The following AMMECR1 variants were observed in gnomAD, a reference collection of about 807,000 sequenced individuals.
AMMECR1 encodes AMMECR nuclear protein 1, also known as nuclear protein AMMECR1.
A neutral mutation model predicts 22.5 loss-of-function variants in AMMECR1; 3 were observed. The ratio of observed to expected loss-of-function variants is 0.13; its 90% CI spans 0.06 to 0.35. The LOEUF is 0.35. Among genes scored for constraint, AMMECR1 ranks in the 10% least tolerant of loss-of-function variants. The pLI, the probability that AMMECR1 is intolerant of heterozygous loss-of-function variation, is 1.00. For missense variants in AMMECR1, 235 were observed against 278.7 expected (o/e 0.84, Z 1.12); for synonymous variants, 130 against 116.7 (o/e 1.11, Z -0.74).
intron 1 of AMMECR1, among the ~76,000 whole-genome samples, chrX:110,285,072 C>T (rs1173087258): frequency 1.8e-5 from 2 of 111,967 alleles, no homozygotes; most frequent in African/African-American, 6.5e-5. Context: ...TAAAATTAGT[C>T]ATCTGTCCCA....
intron 2 of AMMECR1, among the ~76,000 whole-genome samples, chrX:110,360,150 A>G (rs1419577247): frequency 1.8e-5 from 2 of 111,221 alleles, no homozygotes; most frequent in Non-Finnish European, 3.8e-5. Flanking sequence ...GACACTTGTA[A>G]TATGTTTGGG....
At chrX:110,421,438 G>T (rs1302410012) in intron 2 of AMMECR1, among the ~76,000 whole-genome samples, 1 of 112,673 alleles carries the variant, frequency 8.9e-6, no homozygotes, top group Non-Finnish European at 1.9e-5. Flanking sequence ...ATGTAGATAA[G>T]TCACGGGTCA....
chrX:110,216,673 T>C, intron 2 of AMMECR1, 41 bp from the exon 3 acceptor site: 1 of 876,488 alleles, frequency 1.1e-6, no homozygotes. Flanking sequence ...TCACTGGATA[T>C]GAAAGTTCCC....
chrX:110,378,952 G>A (rs955765232), intron 2 of AMMECR1, among the ~76,000 whole-genome samples: 5 of 109,729 alleles, frequency 4.6e-5, no homozygotes, highest in Admixed American at 2.9e-4. Context: ...CCACTGCTGC[G>A]TCTGCCAGTC....
chrX:110,202,623 G>C, intron 3 of AMMECR1, 87 bp from the exon 4 acceptor site: 1 of 598,321 alleles, frequency 1.7e-6, no homozygotes, highest in Non-Finnish European at 2.7e-6. Flanking sequence ...AGAGAATGCA[G>C]TTCTTCCTTT....
intron 1 of AMMECR1, among the ~76,000 whole-genome samples, chrX:110,431,227 A>G (rs911388464): frequency 3.9e-4 from 44 of 111,429 alleles, no homozygotes; most frequent in African/African-American, 1.4e-3. Flanking sequence ...GTTTTCACCA[A>G]TCTTGGTTCA....
intron 1 of AMMECR1, among the ~76,000 whole-genome samples, chrX:110,289,936 C>T (rs2067899309): frequency 9.0e-6 from 1 of 111,675 alleles, no homozygotes; most frequent in African/African-American, 3.3e-5. Flanking sequence ...GAGTTGCACA[C>T]AATCTGATTT....
chrX:110,317,908 C>A lies in AMMECR1; in HGVS notation c.164G>T (p.Gly55Val). ...GLGGAGTRLN[G>V]LGGLTGGGSG... The stretch of plus-strand genomic sequence containing the variant: ...ACCTCCTCCGGTTAGACCTCCCAGC[C>A]CGTTGAGCCGCGTACCGGCGCCTCC... Residue 55 changes from glycine (G) to valine (V), a missense_variant, in exon 1 of 6, where the codon GGG (glycine) becomes GTG (valine). Physicochemically the swap from Gly to Val is moderately radical, Grantham distance 109. Transcript: ENST00000262844. 1.4e-5 allele frequency: 17 copies of A among 1,196,454 alleles called. No individual in the cohort carries two copies. The highest frequency in any genetic ancestry group is 1.9e-5 in the Non-Finnish European group (17 of 888,015).
chrX:110,224,103 C>T (rs781395233), intron 2 of AMMECR1, among the ~76,000 whole-genome samples: 58 of 111,578 alleles, frequency 5.2e-4, no homozygotes, highest in African/African-American at 1.7e-3. Context: ...ATTGATCATC[C>T]GTCTGTCCAC....
chrX:110,354,627 G>T (rs1011057408), intron 2 of AMMECR1, among the ~76,000 whole-genome samples: 5 of 111,842 alleles, frequency 4.5e-5, no homozygotes, highest in African/African-American at 1.6e-4. Flanking sequence ...AATCAAAACA[G>T]CATGATACTT....
At chrX:110,391,855 T>C (rs1161829547) in intron 2 of AMMECR1, among the ~76,000 whole-genome samples, 1 of 112,269 alleles carries the variant, frequency 8.9e-6, no homozygotes, top group Non-Finnish European at 1.9e-5. Flanking sequence ...CCAGATGTTT[T>C]GGCATCACAG....
chrX:110,254,004 G>GTT (rs765756745), intron 2 of AMMECR1, among the ~76,000 whole-genome samples: 21 of 111,408 alleles, frequency 1.9e-4, no homozygotes, highest in African/African-American at 5.9e-4. Flanking sequence ...TTAATAAGGT[G>GTT]TATGATTAAT....
At chrX:110,332,665 A>T (rs1401210648) in intron 2 of AMMECR1, among the ~76,000 whole-genome samples, 1 of 111,825 alleles carries the variant, frequency 8.9e-6, no homozygotes, top group African/African-American at 3.3e-5. Context: ...TTTGCTTGCA[A>T]GGTCAAAATC....
chrX:110,412,245 GTTAT>G (rs2068646064), intron 2 of AMMECR1, among the ~76,000 whole-genome samples: 1 of 112,546 alleles, frequency 8.9e-6, no homozygotes, highest in South Asian at 3.7e-4. Flanking sequence ...AACTGGAAAT[GTTAT>G]TTGAGTCAGC....
At chrX:110,329,293 C>T (rs761638224) in intron 2 of AMMECR1, among the ~76,000 whole-genome samples, 31 of 112,046 alleles carry the variant, frequency 2.8e-4, no homozygotes, top group Admixed American at 2.6e-3. Flanking sequence ...ATATCCTTCG[C>T]CCACTTTTTG....
Position 110,419,633 on chromosome X carries a change from G to A in AMMECR1, c.-148+7025C>T, listed in dbSNP as rs372341433. 3.7e-4 allele frequency among the ~76,000 whole-genome samples: 42 copies of A among 112,160 alleles called. 1 individual carries two copies. In the East Asian group the frequency reaches 0.011, roughly 30 times the overall value. ...CTTGGCACATAGTAGGCTGACATAA[G>A]CAAAACCATCTGGAAAATATTTTCT... is the stretch of plus-strand genomic sequence containing the variant. On this transcript the variant is annotated intron_variant, in intron 2 of 7. Transcript: ENST00000372057.
At chrX:110,328,915 C>G (rs1275490766) in intron 2 of AMMECR1, among the ~76,000 whole-genome samples, 1 of 112,323 alleles carries the variant, frequency 8.9e-6, no homozygotes, top group African/African-American at 3.2e-5. Context: ...GTGAATAGTG[C>G]TGCAATAAAC....
chrX:110,345,911 G>C (rs906244779), intron 2 of AMMECR1, among the ~76,000 whole-genome samples: 5 of 111,192 alleles, frequency 4.5e-5, no homozygotes, highest in African/African-American at 1.6e-4. Context: ...TAAATACAAG[G>C]TTCTCTGATA....
intron 1 of AMMECR1, among the ~76,000 whole-genome samples, chrX:110,300,461 C>T (rs2067960231): frequency 8.9e-6 from 1 of 112,113 alleles, no homozygotes; most frequent in Admixed American, 9.4e-5. Flanking sequence ...TTACAGTTAT[C>T]TCTTATCTGT....
Sources: gnomAD v4.1 joint callset for allele counts (sites outside exome capture counted in the v4.1 genomes callset) on GRCh38, gnomAD v4.1.1 for gene constraint, MANE v1.5 for transcripts, NCBI Gene and HGNC (gene_info 2026-07-23, HGNC 2026-07-21) for gene names.